The following FRAS1 variants were observed in gnomAD, a reference collection of about 807,000 sequenced individuals.
FRAS1 encodes the protein extracellular matrix organizing protein FRAS1.
Under a neutral mutation model 435.2 loss-of-function variants are expected in FRAS1, and 290 were observed. That is an observed-to-expected ratio of 0.67 (90% CI 0.61 to 0.73). The LOEUF is 0.73. Among genes scored for constraint, FRAS1 ranks in the 30% least tolerant of loss-of-function variants. The pLI is 0.00. For missense variants in FRAS1, 4,860 were observed against 5,001.5 expected, an observed-to-expected ratio of 0.97 and a Z score of 0.85; for synonymous variants, 1,800 against 1,851.0, an observed-to-expected ratio of 0.97 and a Z score of 0.71.
At chr4:78,061,350 C>T (rs1463013270) in intron 1 of FRAS1, among the ~76,000 whole-genome samples, 2 of 152,108 alleles carry the variant, frequency 1.3e-5, no homozygotes, top group African/African-American at 4.8e-5. Flanking sequence ...ATGGCTTTTT[C>T]TGGAGAAATA....
chr4:78,473,111 C>G (rs1390738594), intron 52 of FRAS1, among the ~76,000 whole-genome samples: 2 of 152,090 alleles, frequency 1.3e-5, no homozygotes, highest in Non-Finnish European at 2.9e-5. Flanking sequence ...TTTCCTCTGT[C>G]AACTCTAGGA....
chr4:78,233,867 C>A (rs1396426312), intron 2 of FRAS1, among the ~76,000 whole-genome samples: 1 of 152,208 alleles, frequency 6.6e-6, no homozygotes, highest in Non-Finnish European at 1.5e-5. Context: ...CCTGTTTTCT[C>A]ATCTGTAAAA....
At chr4:78,245,390 T>C (rs780493692) in intron 4 of FRAS1, 65 bp downstream of exon 4, 290 of 1,140,354 alleles carry the variant, frequency 2.5e-4, no homozygotes, top group Non-Finnish European at 3.4e-4. Flanking sequence ...AAAAGCTGAA[T>C]GTTAAACTTG....
intron 29 of FRAS1, among the ~76,000 whole-genome samples, chr4:78,390,834 T>G (rs1487327909): frequency 6.6e-6 from 1 of 152,234 alleles, no homozygotes; most frequent in Non-Finnish European, 1.5e-5. Flanking sequence ...AGTGAGCTGA[T>G]AGTTTAAATG....
intron 9 of FRAS1, among the ~76,000 whole-genome samples, chr4:78,270,434 G>A (rs1726603917): frequency 6.6e-6 from 1 of 152,152 alleles, no homozygotes; most frequent in South Asian, 2.1e-4. Context: ...CAGTGGAGCA[G>A]GGCAAGGCAG....
rs967140395 is a variant in FRAS1, at chr4:78,257,914, A to G, written c.603+2539A>G. Among the ~76,000 whole-genome samples, 8 of 152,156 alleles carry G rather than the reference A, an allele frequency of 5.3e-5. No individual in the cohort carries two copies. The East Asian group carries it at 1.5e-3, about 29-fold the overall frequency. On this transcript the variant is annotated intron_variant, in intron 6 of 73. Coordinates refer to ENST00000512123, the MANE Select transcript of FRAS1 (RefSeq NM_025074.7). ...AGAGCCATAACCATAACCCTTCCAC[A>G]TTTCTGTAGGCTCACTGAAATTGTT... is the stretch of plus-strand genomic sequence containing the variant.
At chr4:78,162,536 T>TAA (rs1291603893) in intron 2 of FRAS1, among the ~76,000 whole-genome samples, 3 of 152,246 alleles carry the variant, frequency 2.0e-5, no homozygotes, top group Admixed American at 2.0e-4. Context: ...TGTGATGGGT[T>TAA]ACATTTGAGG....
chr4:78,117,442 C>T (rs1304946659), intron 2 of FRAS1, among the ~76,000 whole-genome samples: 4 of 152,138 alleles, frequency 2.6e-5, no homozygotes, highest in South Asian at 2.1e-4. Flanking sequence ...AACTTGGTTC[C>T]GTTCTCCCTG....
At position 78,511,275 on chromosome 4, in the gene FRAS1, T is replaced by C. The variant is rs756030519; in HGVS notation, c.9782T>C (p.Val3261Ala). ...GAGGTGATTTTTTCTTCCTGTTAGG[T>C]CCTGGACAGCATTTACTTCAGCCGG... The part of the protein sequence containing the change: ...NTPFTSVNHM[V>A]LDSIYFSRRF... The change falls in exon 64 of 74, where the codon GTC becomes GCC. Residue 3261 changes from valine to alanine, a missense_variant and splice_region_variant. Coordinates refer to ENST00000512123, the MANE Select transcript of FRAS1 (RefSeq NM_025074.7). The C allele has an allele frequency of 3.8e-6, 6 of 1,593,622 alleles. No individual in the cohort carries two copies. Among genetic ancestry groups the C allele is most frequent in the Non-Finnish European group, 4.3e-6 (5 of 1,166,670 alleles).
rs1729393748 is a variant in FRAS1, at chr4:78,319,050, G to A, written c.2137+64G>A. 4.6e-6 allele frequency: 7 copies of A among 1,511,838 alleles called. 1 individual carries two copies. In the South Asian group the frequency reaches 8.1e-5, roughly 17 times the overall value. 93.7% of individuals were successfully genotyped at this position (1,511,838 alleles called of 1,614,324 possible). The stretch of plus-strand genomic sequence containing the variant: ...CTTATCTCTTGAGAGATCCTGTGAG[G>A]TGGGACCAAAGCCAGGAAGACCGAT... On this transcript the variant is annotated intron_variant, in intron 18 of 73. Transcript: ENST00000512123.
rs1005282600 is a variant in FRAS1 at position 78,281,399 on chromosome 4, T to G, written c.1073T>G (p.Met358Arg). ...AAAGACATTTCTCTTTGTTCCTAGA[T>G]GTCATCAAATGCTAGTGAAGTTAAA... ...YCVYEETGEF[M>R]SSNASEVKRI... The change falls in exon 11 of 74, where the codon ATG becomes AGG. Residue 358 changes from methionine to arginine, a missense_variant and splice_region_variant. By Grantham distance (91) the Met-to-Arg change is moderately conservative (BLOSUM62 -1). Transcript: ENST00000512123. 1 of 1,572,222 alleles carries G rather than the reference T, an allele frequency of 6.4e-7. No homozygotes were observed. Among genetic ancestry groups the G allele is most frequent in the Non-Finnish European group, 8.6e-7 (1 of 1,158,596 alleles).
intron 4 of FRAS1, among the ~76,000 whole-genome samples, chr4:78,246,910 G>A (rs1725273495): frequency 6.6e-6 from 1 of 152,144 alleles, no homozygotes; most frequent in Non-Finnish European, 1.5e-5. Context: ...TGAGAATATT[G>A]ACAATATTTT....
chr4:78,522,440 A>G (rs758172657), intron 68 of FRAS1, among the ~76,000 whole-genome samples: 1 of 152,204 alleles, frequency 6.6e-6, no homozygotes, highest in Non-Finnish European at 1.5e-5. Context: ...TATGACTATG[A>G]TGACCATCAC....
rs760601199 is a variant in FRAS1, at chr4:78,343,411, T to TTCCCTCCC, written c.2422+5617_2422+5624dup. Among the ~76,000 whole-genome samples the TTCCCTCCC allele has an allele frequency of 1.2e-3, 171 of 145,678 alleles. 2 individuals carry two copies. Among genetic ancestry groups the TTCCCTCCC allele is most frequent in the African/African-American group, 4.1e-3 (151 of 36,992 alleles). Reference sequence around the variant, plus strand: ...GTATGCAGGTTGTAGACCAACTGACTTCCCTCCCTCCCTCCCTCCCTCCCT... The same window carrying TTCCCTCCC: ...GTATGCAGGTTGTAGACCAACTGACTTCCCTCCCTCCCTCCCTCCCTCCCTCCCTCCCT... On this transcript the variant is annotated intron_variant, in intron 20 of 73. Transcript: ENST00000512123.
intron 14 of FRAS1, among the ~76,000 whole-genome samples, chr4:78,307,322 T>A (rs1728793119): frequency 6.6e-6 from 1 of 152,234 alleles, no homozygotes; most frequent in African/African-American, 2.4e-5. Flanking sequence ...CTTTTGTTTG[T>A]CTGTGCCCTG....
At chr4:78,138,659 A>G (rs568716084) in intron 2 of FRAS1, among the ~76,000 whole-genome samples, 2 of 152,180 alleles carry the variant, frequency 1.3e-5, no homozygotes, top group African/African-American at 4.8e-5. Flanking sequence ...TTCTGTGACT[A>G]TAAATGATAG....
Position 78,499,705 on chromosome 4 carries a change from A to T in FRAS1, c.9116-16A>T. 1 of 1,611,100 alleles carries T rather than the reference A, an allele frequency of 6.2e-7. No individual in the cohort carries two copies. The highest frequency in any genetic ancestry group is 1.1e-5 in the South Asian group (1 of 90,846). Reference sequence around the variant, plus strand: ...TATTCTAACTGGCTCTTGTTTTCCTAACCATATTTCCTTAGCCCCCACCAT... The same window carrying T: ...TATTCTAACTGGCTCTTGTTTTCCTTACCATATTTCCTTAGCCCCCACCAT... On this transcript the variant is annotated splice_polypyrimidine_tract_variant and intron_variant, in intron 60 of 73. Coordinates refer to ENST00000512123, the MANE Select transcript of FRAS1 (RefSeq NM_025074.7).
chr4:78,377,821 G>C (rs772726267), intron 26 of FRAS1, among the ~76,000 whole-genome samples: 1 of 152,106 alleles, frequency 6.6e-6, no homozygotes, highest in Non-Finnish European at 1.5e-5. Flanking sequence ...TAAAATTCCC[G>C]AGGTCCTACC....
chr4:78,318,926 G>T lies in FRAS1; in HGVS notation c.2077G>T (p.Gly693Cys). 1 of 1,614,004 alleles carries T rather than the reference G, an allele frequency of 6.2e-7. No individual in the cohort carries two copies. The highest frequency in any genetic ancestry group is 8.5e-7 in the Non-Finnish European group (1 of 1,179,892). The change falls in exon 18 of 74, where the codon GGC becomes TGC. Residue 693 changes from glycine to cysteine, a missense_variant. Physicochemically the swap from Gly to Cys is radical, Grantham distance 159. Coordinates refer to ENST00000512123, the MANE Select transcript of FRAS1 (RefSeq NM_025074.7). ...GCTGTCTGACGTGGGCATCCCCTCTGGCGAGTGTCTAGCCCAGTGTAGAGC... is the reference window on the plus strand; with the variant it reads ...GCTGTCTGACGTGGGCATCCCCTCTTGCGAGTGTCTAGCCCAGTGTAGAGC... ...EQLSDVGIPS[G>C]ECLAQCRAHF...
Sources: gnomAD v4.1 joint callset for allele counts (sites outside exome capture counted in the v4.1 genomes callset) on GRCh38, gnomAD v4.1.1 for gene constraint, MANE v1.5 for transcripts, NCBI Gene and HGNC (gene_info 2026-07-23, HGNC 2026-07-21) for gene names.